PPFIA4: variants seen among roughly 807,000 people sequenced by gnomAD.
PPFIA4 encodes PPFI scaffold protein A4, also known as liprin-alpha-4.
In PPFIA4, 98 loss-of-function variants were observed where a neutral mutation model predicts 145.7. The ratio of observed to expected loss-of-function variants is 0.67; its 90% confidence interval spans 0.57 to 0.80. PPFIA4 has a LOEUF of 0.80. PPFIA4 is among the 30% of genes least tolerant of loss of function. PPFIA4 has a pLI of 0.00. For synonymous variants in PPFIA4, 628 were observed against 649.6 expected (o/e 0.97, Z 0.51); for missense variants, 1,457 against 1,632.7 (o/e 0.89, Z 1.85).
chr1:203,062,235 T>C (rs1301977541), intron 24 of PPFIA4, among the ~76,000 whole-genome samples: 1 of 151,552 alleles, frequency 6.6e-6, no homozygotes, highest in South Asian at 2.1e-4. Flanking sequence ...CCCAGCACTT[T>C]GGGAGGCCGA....
At position 203,068,883 on chromosome 1, in the gene PPFIA4, C is replaced by T. The variant is rs187079038; in HGVS notation, c.3324+255C>T. Among the ~76,000 whole-genome samples the T allele has an allele frequency of 2.3e-3, 350 of 152,276 alleles. 1 individual carries two copies. Among genetic ancestry groups the T allele is most frequent in the African/African-American group, 8.2e-3 (341 of 41,536 alleles). On this transcript the variant is annotated intron_variant, in intron 27 of 29. Coordinates refer to ENST00000295706, the MANE Select transcript of PPFIA4 (RefSeq NM_001304331.2). The surrounding 1 kb of genome is among the most constrained non-coding windows in gnomAD (Gnocchi z 4.7). Reference sequence around the variant, plus strand: ...TGGCACACAGTGTGCTCTTACAATGCGCATCCCCGTCCTGCCCTGGGTACC... The same window carrying T: ...TGGCACACAGTGTGCTCTTACAATGTGCATCCCCGTCCTGCCCTGGGTACC...
chr1:203,029,513 C>T (rs749180085), intron 1 of PPFIA4, among the ~76,000 whole-genome samples: 15 of 152,254 alleles, frequency 9.9e-5, no homozygotes, highest in Non-Finnish European at 2.1e-4. Context: ...TCTGTGTTCT[C>T]TCAAGTAGCC....
chr1:203,060,424 G>A lies in PPFIA4; in HGVS notation c.2784+7G>A, dbSNP rs1350976867. 6.2e-7 allele frequency: 1 copy of A among 1,612,068 alleles called. No individual in the cohort carries two copies. The stretch of plus-strand genomic sequence containing the variant: ...CCCACCCACCTCCAGGACTGTGAGT[G>A]GCCCCTCCTTTGCCCAGGACATTTT... On this transcript the variant is annotated splice_region_variant and intron_variant, in intron 22 of 29. Transcript: ENST00000295706. The surrounding 1 kb of genome is among the most constrained non-coding windows in gnomAD (Gnocchi z 4.8).
At chr1:203,053,360 C>T (rs1448030252) in intron 14 of PPFIA4, among the ~76,000 whole-genome samples, 2 of 151,858 alleles carry the variant, frequency 1.3e-5, no homozygotes, top group Non-Finnish European at 2.9e-5. Flanking sequence ...TGGTGAAACC[C>T]CGTCTCTACT....
chr1:203,054,248 A>G (rs551919353), intron 15 of PPFIA4: 5 of 628,876 alleles, frequency 8.0e-6, no homozygotes, highest in African/African-American at 7.3e-5. Context: ...CTTAACCACT[A>G]AGAGTGTAGC....
In PPFIA4 at chr1:203,078,209, T is replaced by C. The variant is rs1662667709; in HGVS notation, c.*1819T>C. 6.6e-6 allele frequency: 1 copy of C among 152,308 alleles called. No homozygotes were observed. Among genetic ancestry groups the C allele is most frequent in the Non-Finnish European group, 1.5e-5 (1 of 68,062 alleles). The allele number at this position is 152,308 out of a possible 1,614,324, so 9.4% of individuals were successfully genotyped here. On this transcript the variant is annotated 3_prime_UTR_variant, in exon 30 of 30. Transcript: ENST00000295706. ...GCTGGGAGTGGAGATGGAGGGATTA[T>C]TGAGCAGAAAATGAGTTGGATGGAG... is the stretch of plus-strand genomic sequence containing the variant.
intron 25 of PPFIA4, among the ~76,000 whole-genome samples, chr1:203,065,792 A>C (rs1661695892): frequency 6.6e-6 from 1 of 152,230 alleles, no homozygotes. Context: ...GTTGATTTCC[A>C]TCAGGTCACC....
chr1:203,073,324 C>T (rs1362062190), intron 28 of PPFIA4, among the ~76,000 whole-genome samples: 2 of 152,188 alleles, frequency 1.3e-5, no homozygotes, highest in Non-Finnish European at 2.9e-5. Flanking sequence ...CTCTGGGAAG[C>T]TTGTGGAGCT....
At position 203,077,282 on chromosome 1, in the gene PPFIA4, T is replaced by G. The variant is rs1662611275; in HGVS notation, c.*892T>G. The stretch of plus-strand genomic sequence containing the variant: ...GCTGGGCTATGGGGAAGGGAGGTTG[T>G]GCGGATCTTGACTCTAGGGCAGAAC... On this transcript the variant is annotated 3_prime_UTR_variant, in exon 30 of 30. Transcript: ENST00000295706. 1 of 152,260 alleles carries G rather than the reference T, an allele frequency of 6.6e-6. No individual in the cohort carries two copies. The highest frequency in any genetic ancestry group is 1.5e-5 in the Non-Finnish European group (1 of 68,080). The allele number at this position is 152,260 out of a possible 1,614,324, so 9.4% of individuals were successfully genotyped here.
chr1:203,061,501 G>A (rs1251133677), intron 23 of PPFIA4, 151 bp from the exon 24 acceptor site: 2 of 751,568 alleles, frequency 2.7e-6, no homozygotes, highest in Non-Finnish European at 4.1e-6. Context: ...CCAACCTTGT[G>A]TTCTCTCTTA....
In PPFIA4 at chr1:203,055,330, C is replaced by G; in HGVS notation, c.1830-102C>G. 6.7e-7 allele frequency: 1 copy of G among 1,484,468 alleles called. No individual in the cohort carries two copies. The highest frequency in any genetic ancestry group is 9.3e-7 in the Non-Finnish European group (1 of 1,073,960). 92.0% of individuals were successfully genotyped at this position (1,484,468 alleles called of 1,614,324 possible). A position where few individuals can be genotyped will look rare whatever the true frequency, so the allele number is the denominator to read the frequency against. On this transcript the variant is annotated intron_variant, in intron 15 of 29. Coordinates refer to ENST00000295706, the MANE Select transcript of PPFIA4 (RefSeq NM_001304331.2). The surrounding 1 kb of genome is among the most constrained non-coding windows in gnomAD (Gnocchi z 4.8). The stretch of plus-strand genomic sequence containing the variant: ...ACAGACAAAGCCTGGCGGGTGTACA[C>G]CGCATGTGGTCCTTGGTGGCGAGTG...
At position 203,048,450 on chromosome 1, in the gene PPFIA4, G is replaced by A; in HGVS notation, c.1225-133G>A. 7 of 1,468,886 alleles carry A rather than the reference G, an allele frequency of 4.8e-6. No individual in the cohort carries two copies. In the South Asian group the frequency reaches 7.4e-5, roughly 16 times the overall value. 91.0% of individuals were successfully genotyped at this position (1,468,886 alleles called of 1,614,324 possible). A position where few individuals can be genotyped will look rare whatever the true frequency, so the allele number is the denominator to read the frequency against. On this transcript the variant is annotated intron_variant, in intron 10 of 29. Transcript: ENST00000295706. The surrounding 1 kb of genome is among the most constrained non-coding windows in gnomAD (Gnocchi z 5.8). ...GTGGGAGGAGGCTGGCAGGTGAAGGGGGAGGTGGTCAGGAGACTGGAGAGA... is the reference window on the plus strand; with the variant it reads ...GTGGGAGGAGGCTGGCAGGTGAAGGAGGAGGTGGTCAGGAGACTGGAGAGA...
At chr1:203,054,591 G>A (rs1660771574) in intron 15 of PPFIA4, among the ~76,000 whole-genome samples, 1 of 151,816 alleles carries the variant, frequency 6.6e-6, no homozygotes, top group Non-Finnish European at 1.5e-5. Context: ...TATCTGAGCT[G>A]GAGTGTATCA....
chr1:203,054,134 C>A, intron 15 of PPFIA4, 173 bp downstream of exon 15: 1 of 779,914 alleles, frequency 1.3e-6, no homozygotes, highest in Non-Finnish European at 2.2e-6. Context: ...GTGAGAGGAG[C>A]AGGGCCTCAG....
chr1:203,059,569 C>T (rs1259898752), intron 20 of PPFIA4, among the ~76,000 whole-genome samples: 2 of 151,896 alleles, frequency 1.3e-5, no homozygotes, highest in African/African-American at 4.8e-5. Context: ...AGCTCCTCGC[C>T]CTCTTGGGGT....
Position 203,038,100 on chromosome 1 carries a change from TG to T in PPFIA4, c.-399-509del, listed in dbSNP as rs370265099. On this transcript the variant is annotated intron_variant, in intron 1 of 29. Transcript: ENST00000295706. The stretch of plus-strand genomic sequence containing the variant: ...CCAGTATCCAGGGCAGGAACTACTC[TG>T]CCCCTGTTTCCTAGGACCCCAAGAG... Among the ~76,000 whole-genome samples the T allele has an allele frequency of 4.6e-3, 708 of 152,320 alleles. 5 individuals carry two copies. The highest frequency in any genetic ancestry group is 0.016 in the African/African-American group (673 of 41,576).
Position 203,076,445 on chromosome 1 carries a change from C to G in PPFIA4, c.*55C>G, listed in dbSNP as rs530344926. ...CTGGGTTTCACAGGCTCCTCTGGCC[C>G]TGACCCCTCTTGCTCGTTCCCCTTC... is the stretch of plus-strand genomic sequence containing the variant. On this transcript the variant is annotated 3_prime_UTR_variant, in exon 30 of 30. Coordinates refer to ENST00000295706, the MANE Select transcript of PPFIA4 (RefSeq NM_001304331.2). The G allele has an allele frequency of 2.0e-5, 31 of 1,519,950 alleles. No homozygotes were observed. Among genetic ancestry groups the G allele is most frequent in the Middle Eastern group, 3.4e-4 (2 of 5,882 alleles). 94.2% of individuals were successfully genotyped at this position (1,519,950 alleles called of 1,614,324 possible).
At chr1:203,039,273 C>A in intron 2 of PPFIA4, 31 bp downstream of exon 2, 1 of 1,492,228 alleles carries the variant, frequency 6.7e-7, no homozygotes, top group Non-Finnish European at 9.0e-7. Flanking sequence ...TCTCTCTTAA[C>A]CCCTTTCCCT....
At chr1:203,046,115 C>A (rs1451163209) in intron 8 of PPFIA4, 128 bp downstream of exon 8, 2 of 1,546,478 alleles carry the variant, frequency 1.3e-6, no homozygotes, top group Admixed American at 3.6e-5. Flanking sequence ...GGAAGTCAGG[C>A]GTCTCGGGCA....
Sources: gnomAD v4.1 joint callset for allele counts (sites outside exome capture counted in the v4.1 genomes callset) on GRCh38, gnomAD v4.1.1 for gene constraint, Gnocchi (gnomAD v3.1) non-coding constraint, MANE v1.5 for transcripts, NCBI Gene and HGNC (gene_info 2026-07-23, HGNC 2026-07-21) for gene names.